The following PEX6 variants were observed in gnomAD, a reference collection of about 807,000 sequenced individuals.
PEX6 encodes peroxisomal biogenesis factor 6.
A neutral mutation model predicts 85.6 loss-of-function variants in PEX6; 55 were observed. That is an observed-to-expected ratio of 0.64 (90% CI 0.52 to 0.80). PEX6 has a LOEUF of 0.80. Ranked by LOEUF, PEX6 falls within the 30% of genes least tolerant of loss-of-function variation. PEX6 has a pLI of 0.00. For synonymous variants in PEX6, 519 were observed against 549.1 expected, an observed-to-expected ratio of 0.95 and a Z score of 0.77; for missense variants, 1,099 against 1,260.3, an observed-to-expected ratio of 0.87 and a Z score of 1.94.
Position 42,965,770 on chromosome 6 carries a change from A to G in PEX6, c.2382T>C (p.Ala794=), listed in dbSNP as rs776319615. The G allele has an allele frequency of 3.1e-6, 5 of 1,614,060 alleles. No individual in the cohort carries two copies. In the South Asian group the frequency reaches 5.5e-5, roughly 18 times the overall value. ...CAAAGAAGATAATGCATGGAGCTGC[A>G]GCCCTGGCCCTGGCAAACACTGAAG... is the stretch of plus-strand genomic sequence containing the variant. ...NVREVFARAR[A]AAPCIIFFDE... The change falls in exon 13 of 17, where the codon GCT becomes GCC. Residue 794 remains alanine (A), a synonymous_variant. Coordinates refer to ENST00000304611, the MANE Select transcript of PEX6 (RefSeq NM_000287.4). This position sits in a 1 kb window ranked among gnomAD's most constrained non-coding sequence, Gnocchi z 5.0.
intron 6 of PEX6, 50 bp downstream of exon 6, chr6:42,968,824 T>TGAGCTGGGGAGGGGAAG (rs778510892): frequency 7.6e-7 from 1 of 1,321,088 alleles, no homozygotes; most frequent in Non-Finnish European, 1.1e-6. Flanking sequence ...AGGGAGAACA[T>TGAGCTGGGGAGGGGAAG]GAGCTGGGGA....
rs779395697 is a variant in PEX6 at position 42,965,208 on chromosome 6, G to A, written c.2588+44C>T. The A allele has an allele frequency of 8.1e-6, 13 of 1,609,044 alleles. No individual in the cohort carries two copies. Among genetic ancestry groups the A allele is most frequent in the Admixed American group, 3.3e-5 (2 of 60,000 alleles). ...GGGAGCCCAGCCATGAGGGGTGAAG[G>A]AGGCACAAAATGAGGGTGGAGATGA... is the stretch of plus-strand genomic sequence containing the variant. On this transcript the variant is annotated intron_variant, in intron 14 of 16. Transcript: ENST00000304611. This position sits in a 1 kb window ranked among gnomAD's most constrained non-coding sequence, Gnocchi z 5.0.
chr6:42,973,123 C>T (rs1041201335), intron 3 of PEX6, among the ~76,000 whole-genome samples: 1 of 152,056 alleles, frequency 6.6e-6, no homozygotes, highest in African/African-American at 2.4e-5. Flanking sequence ...GTGATTCTCC[C>T]GCCTCAGCCT....
chr6:42,969,670 T>G lies in PEX6; in HGVS notation c.1365A>C (p.Pro455=). Residue 455 remains proline, a splice_region_variant and synonymous_variant, in exon 5 of 17, where the codon CCA becomes CCC. Coordinates refer to ENST00000304611, the MANE Select transcript of PEX6 (RefSeq NM_000287.4). ...CCTGGGGTGATGACCTCACTCACCC[T>G]GGCTGGAGGCGAGGCTTCAGGACAG... The part of the protein sequence containing the change: ...LCAVLKPRLQ[P]GGALLTGTSS... 1 of 1,612,672 alleles carries G rather than the reference T, an allele frequency of 6.2e-7. No individual in the cohort carries two copies. The highest frequency in any genetic ancestry group is 8.5e-7 in the Non-Finnish European group (1 of 1,179,992).
Position 42,978,313 on chromosome 6 carries a change from TA to T in PEX6, c.837del (p.Phe279LeufsTer72), listed in dbSNP as rs1287837850. 1 of 1,614,078 alleles carries T rather than the reference TA, an allele frequency of 6.2e-7. No individual in the cohort carries two copies. The highest frequency in any genetic ancestry group is 8.5e-7 in the Non-Finnish European group (1 of 1,179,996). The stretch of plus-strand genomic sequence containing the variant: ...ATTTCCAGGGGGTCACAGCCAAGAT[TA>T]AAAGCCAAAGTGGCAGGGACAAGCG... ...GLALVPATLA[F>X]NLGCDPLEMG... On this transcript the variant is annotated frameshift_variant, in exon 1 of 17. Transcript: ENST00000304611. LOFTEE classifies it high-confidence loss of function.
At chr6:42,978,222 G>T in intron 1 of PEX6, 47 bp downstream of exon 1, 2 of 1,592,858 alleles carry the variant, frequency 1.3e-6, no homozygotes, top group Non-Finnish European at 8.6e-7. Flanking sequence ...ACAGAGAAGA[G>T]GGTATAAGAA....
chr6:42,964,828 G>A lies in PEX6; in HGVS notation c.2768C>T (p.Thr923Ile), dbSNP rs1204746891. The change falls in exon 16 of 17, where the codon ACA becomes ATA. Residue 923 changes from threonine (T) to isoleucine (I), a missense_variant. Physicochemically the swap from Thr to Ile is moderately conservative, Grantham distance 89. This residue lies in a region of PEX6 where 514 missense variants were observed against 627.0 expected (regional missense o/e 0.82). Transcript: ENST00000304611. The surrounding 1 kb of genome is among the most constrained non-coding windows in gnomAD (Gnocchi z 4.6). Reference protein sequence around the residue: ...DLYSLCSDAMTAALKRRVHDL... With the variant: ...DLYSLCSDAMIAALKRRVHDL... Reference sequence around the variant, plus strand: ...ATGAACCCTGCGTTTGAGGGCAGCTGTCATAGCATCAGAGCAGAGAGAGTA... The same window carrying A: ...ATGAACCCTGCGTTTGAGGGCAGCTATCATAGCATCAGAGCAGAGAGAGTA... 3 of 1,614,138 alleles carry A rather than the reference G, an allele frequency of 1.9e-6. No homozygotes were observed. The highest frequency in any genetic ancestry group is 2.2e-5 in the East Asian group (1 of 44,880).
rs980373553 is a variant in PEX6, at chr6:42,971,291, C to T, written c.1131-1304G>A. Among the ~76,000 whole-genome samples the T allele has an allele frequency of 3.0e-4, 45 of 152,174 alleles. No individual in the cohort carries two copies. The highest frequency in any genetic ancestry group is 1.1e-3 in the African/African-American group (44 of 41,430). ...ACAGTGGGCCTCTAACCTAGGATCTCGATCAAGCTCAACAGCTGAGTCATG... is the reference window on the plus strand; with the variant it reads ...ACAGTGGGCCTCTAACCTAGGATCTTGATCAAGCTCAACAGCTGAGTCATG... On this transcript the variant is annotated intron_variant, in intron 3 of 16. Coordinates refer to ENST00000304611, the MANE Select transcript of PEX6 (RefSeq NM_000287.4). The surrounding 1 kb of genome is among the most constrained non-coding windows in gnomAD (Gnocchi z 4.4).
intron 6 of PEX6, 129 bp from the exon 7 acceptor site, chr6:42,968,627 C>G: frequency 1.2e-6 from 1 of 860,528 alleles, no homozygotes; most frequent in South Asian, 1.6e-5. Context: ...GGAAGGTACC[C>G]TGGCCAAGTC....
At position 42,978,244 on chromosome 6, in the gene PEX6, T is replaced by C; in HGVS notation, c.882+25A>G. On this transcript the variant is annotated intron_variant, in intron 1 of 16. Transcript: ENST00000304611. ...AGAGGGTATAAGAAAGAGGAAGCAC[T>C]CCTGACCCCAGTCCTTTATCCTACC... The C allele has an allele frequency of 3.7e-6, 6 of 1,613,580 alleles. No individual in the cohort carries two copies. The South Asian group carries it at 5.5e-5, about 15-fold the overall frequency.
chr6:42,966,488 G>A, intron 10 of PEX6, 37 bp downstream of exon 10: 1 of 1,614,120 alleles, frequency 6.2e-7, no homozygotes, highest in Non-Finnish European at 8.5e-7. Context: ...TGCTCTTGGA[G>A]GGGCTCCTGT....
chr6:42,966,967 GT>G (rs144477517), intron 8 of PEX6, 109 bp from the exon 9 acceptor site: 44,150 of 464,114 alleles, frequency 0.095, 17 homozygotes, highest in Middle Eastern at 0.13. Flanking sequence ...TAGGTTTGTT[GT>G]TTTTTTTTTT....
chr6:42,966,175 C>T, intron 11 of PEX6, 67 bp downstream of exon 11: 1 of 1,607,380 alleles, frequency 6.2e-7, no homozygotes, highest in Non-Finnish European at 8.5e-7. Flanking sequence ...CTTGGGCAGC[C>T]CCTCCTGCTC....
Position 42,969,703 on chromosome 6 carries a change from T to A in PEX6, c.1332A>T (p.Glu444Asp), listed in dbSNP as rs546531638. 4.3e-6 allele frequency: 7 copies of A among 1,612,802 alleles called. No homozygotes were observed. ...GGCGAGGCTTCAGGACAGCACAGAG[T>A]TCAGACACCAAGGCCTCCAGGCCTG... is the stretch of plus-strand genomic sequence containing the variant. ...SPPGLEALVS[E>D]LCAVLKPRLQ... Residue 444 changes from glutamate to aspartate, a missense_variant, in exon 5 of 17, where the codon GAA (glutamate) becomes GAT (aspartate). Physicochemically the swap from Glu to Asp is conservative, Grantham distance 45. This residue lies in a region of PEX6 where 579 missense variants were observed against 611.6 expected (regional missense o/e 0.95). Transcript: ENST00000304611.
At chr6:42,975,109 C>T in intron 1 of PEX6, 71 bp from the exon 2 acceptor site, 1 of 1,245,672 alleles carries the variant, frequency 8.0e-7, no homozygotes. Context: ...CTCTCAGCAG[C>T]CAACATGTCT....
rs1460417469 is a variant in PEX6 at position 42,965,129 on chromosome 6, C to T, written c.2612G>A (p.Gly871Glu). ...PGRFDKLVFV[G>E]ANEDRASQLR... ...CTGGGAGGCCCGGTCCTCATTTGCC[C>T]CCACAAACACCAGCTTGTCAAATCT... Residue 871 changes from glycine (G) to glutamate (E), a missense_variant, in exon 15 of 17, where the codon GGG becomes GAG. Coordinates refer to ENST00000304611, the MANE Select transcript of PEX6 (RefSeq NM_000287.4). The surrounding 1 kb of genome is among the most constrained non-coding windows in gnomAD (Gnocchi z 5.0). 3.7e-6 allele frequency: 6 copies of T among 1,614,084 alleles called. No homozygotes were observed. Among genetic ancestry groups the T allele is most frequent in the Admixed American group, 3.3e-5 (2 of 60,010 alleles).
At chr6:42,975,712 GTT>G (rs1186126396) in intron 1 of PEX6, among the ~76,000 whole-genome samples, 6 of 140,600 alleles carry the variant, frequency 4.3e-5, no homozygotes, top group Non-Finnish European at 7.8e-5. Flanking sequence ...ACATGATTTA[GTT>G]TTTTTTTTTT....
intron 1 of PEX6, among the ~76,000 whole-genome samples, chr6:42,976,642 C>T (rs978124611): frequency 6.6e-5 from 10 of 151,852 alleles, no homozygotes; most frequent in African/African-American, 1.9e-4. Context: ...GGATTACAGG[C>T]ATGAGCCACT....
intron 5 of PEX6, 135 bp from the exon 6 acceptor site, chr6:42,969,120 G>A: frequency 1.5e-6 from 1 of 685,648 alleles, no homozygotes; most frequent in Non-Finnish European, 2.6e-6. Flanking sequence ...CCCAGGACAG[G>A]GCTGTCCCCA....
Sources: gnomAD v4.1 joint callset for allele counts (sites outside exome capture counted in the v4.1 genomes callset) on GRCh38, gnomAD v4.1.1 for gene constraint, gnomAD v4.1.1 regional missense constraint, Gnocchi (gnomAD v3.1) non-coding constraint, MANE v1.5 for transcripts, NCBI Gene and HGNC (gene_info 2026-07-23, HGNC 2026-07-21) for gene names.